FHIT: variants seen among roughly 807,000 people sequenced by gnomAD.
The protein encoded by FHIT is bis(5'-adenosyl)-triphosphatase.
FHIT carries 19 observed loss-of-function variants against 17.9 expected under a neutral mutation model. The observed-to-expected ratio is 1.06, with a 90% CI of 0.74 to 1.56. The LOEUF (loss-of-function observed/expected upper bound fraction) is 1.56. Ranked by LOEUF, FHIT falls within the 40% of genes most tolerant of loss-of-function variation. FHIT has a pLI of 0.00. For synonymous variants in FHIT, 81 were observed against 69.7 expected (o/e 1.16, Z -0.81); for missense variants, 248 against 189.2 (o/e 1.31, Z -1.82).
chr3:60,695,896 G>A (rs563835193), intron 4 of FHIT, among the ~76,000 whole-genome samples: 4 of 152,294 alleles, frequency 2.6e-5, no homozygotes, highest in Admixed American at 6.5e-5. Flanking sequence ...GTTTAGACTA[G>A]TATCTGATAC....
At chr3:59,878,042 T>TA (rs1436847038) in intron 8 of FHIT, among the ~76,000 whole-genome samples, 1 of 152,170 alleles carries the variant, frequency 6.6e-6, no homozygotes, top group African/African-American at 2.4e-5. Context: ...AAGGAATAAG[T>TA]AGTTATATTT....
chr3:60,902,168 A>G (rs880003679), intron 3 of FHIT, among the ~76,000 whole-genome samples: 7 of 152,214 alleles, frequency 4.6e-5, no homozygotes, highest in Non-Finnish European at 5.9e-5. Context: ...GCCATAGTCA[A>G]TCTTTACCCT....
At chr3:59,786,566 C>T (rs1412859225) in intron 8 of FHIT, among the ~76,000 whole-genome samples, 2 of 152,226 alleles carry the variant, frequency 1.3e-5, no homozygotes, top group Non-Finnish European at 2.9e-5. Context: ...ATGCTTTCAA[C>T]TGTTGCCAGG....
chr3:61,190,481 T>G (rs1307402691), intron 2 of FHIT, among the ~76,000 whole-genome samples: 3 of 152,172 alleles, frequency 2.0e-5, no homozygotes, highest in African/African-American at 7.2e-5. Context: ...ACACTGTTGG[T>G]GGGACTGTAA....
At chr3:59,953,627 A>G (rs1031963349) in intron 7 of FHIT, among the ~76,000 whole-genome samples, 4 of 152,168 alleles carry the variant, frequency 2.6e-5, no homozygotes, top group East Asian at 3.9e-4. Flanking sequence ...TTGAGCTGCC[A>G]TAGATAAATT....
chr3:60,722,200 G>A (rs114576587), intron 4 of FHIT, among the ~76,000 whole-genome samples: 2,396 of 152,274 alleles, frequency 0.016, 32 homozygotes, highest in Non-Finnish European at 0.027. Flanking sequence ...CCATCTGAGC[G>A]ACAGAACTGA....
chr3:60,884,650 T>G (rs547689062), intron 3 of FHIT, among the ~76,000 whole-genome samples: 6 of 152,118 alleles, frequency 3.9e-5, no homozygotes, highest in African/African-American at 1.4e-4. Context: ...CAGACAAATA[T>G]TGGCTGGGCT....
chr3:60,590,897 G>A (rs1418154822), intron 4 of FHIT, among the ~76,000 whole-genome samples: 1 of 151,998 alleles, frequency 6.6e-6, no homozygotes, highest in Admixed American at 6.6e-5. Flanking sequence ...AGGGAATCAG[G>A]GAAGGCTTCC....
At chr3:60,209,777 A>G in intron 5 of FHIT, among the ~76,000 whole-genome samples, 1 of 152,142 alleles carries the variant, frequency 6.6e-6, no homozygotes, top group East Asian at 1.9e-4. Context: ...AGATCATGTC[A>G]TTTGCAGGGA....
intron 5 of FHIT, among the ~76,000 whole-genome samples, chr3:60,299,543 C>G (rs964717463): frequency 2.6e-5 from 4 of 152,026 alleles, no homozygotes. Flanking sequence ...GCCACTTTTG[C>G]CTGCCTGGGA....
intron 2 of FHIT, among the ~76,000 whole-genome samples, chr3:61,081,682 G>A (rs2035141403): frequency 6.6e-6 from 1 of 152,040 alleles, no homozygotes; most frequent in Admixed American, 6.5e-5. Context: ...TCATCTGTCT[G>A]TATCACTGTG....
chr3:60,064,517 A>G (rs1702420336), intron 5 of FHIT, among the ~76,000 whole-genome samples: 1 of 152,332 alleles, frequency 6.6e-6, no homozygotes, highest in African/African-American at 2.4e-5. Context: ...CAGTCATTGT[A>G]TCATCCACAC....
intron 4 of FHIT, among the ~76,000 whole-genome samples, chr3:60,807,087 G>A (rs984485610): frequency 6.6e-6 from 1 of 152,120 alleles, no homozygotes; most frequent in African/African-American, 2.4e-5. Context: ...TTGAAGTATT[G>A]CCAAGAAATT....
chr3:59,839,326 A>C (rs1701449561), intron 8 of FHIT, among the ~76,000 whole-genome samples: 1 of 151,988 alleles, frequency 6.6e-6, no homozygotes, highest in Non-Finnish European at 1.5e-5. Context: ...TTCAAAAAAA[A>C]AAAAACAAAA....
At chr3:59,935,544 A>G (rs1706192334) in intron 7 of FHIT, among the ~76,000 whole-genome samples, 1 of 152,070 alleles carries the variant, frequency 6.6e-6, no homozygotes, top group Non-Finnish European at 1.5e-5. Flanking sequence ...TGGGCTATTT[A>G]TTACTTATTT....
At chr3:61,115,003 T>G (rs1387042742) in intron 2 of FHIT, among the ~76,000 whole-genome samples, 1 of 152,152 alleles carries the variant, frequency 6.6e-6, no homozygotes, top group African/African-American at 2.4e-5. Context: ...AGAACAGAAA[T>G]TCAGTCCAGT....
intron 8 of FHIT, among the ~76,000 whole-genome samples, chr3:59,868,893 G>C (rs993609407): frequency 1.1e-4 from 16 of 152,176 alleles, no homozygotes; most frequent in Non-Finnish European, 2.9e-5. Context: ...CCCAGGGAAA[G>C]ATTCTAATCA....
intron 5 of FHIT, among the ~76,000 whole-genome samples, chr3:60,402,584 T>C (rs1410140134): frequency 6.6e-6 from 1 of 152,212 alleles, no homozygotes; most frequent in Non-Finnish European, 1.5e-5. Flanking sequence ...AATCATTTAA[T>C]ACCTATTACT....
intron 4 of FHIT, among the ~76,000 whole-genome samples, chr3:60,740,275 G>T (rs782560126): frequency 6.6e-6 from 1 of 152,128 alleles, no homozygotes; most frequent in Non-Finnish European, 1.5e-5. Context: ...GAATGAAACT[G>T]CCTGGTTTTA....
Sources: allele counts gnomAD v4.1 joint callset (sites outside exome capture counted in the v4.1 genomes callset), GRCh38; gene constraint gnomAD v4.1.1; transcripts MANE v1.5; gene names NCBI Gene and HGNC (gene_info 2026-07-23, HGNC 2026-07-21).